The following NAV2 variants were observed in gnomAD, a reference collection of about 807,000 sequenced individuals.
NAV2 encodes neuron navigator 2.
Under a neutral mutation model 223.2 loss-of-function variants are expected in NAV2, and 54 were observed. The observed-to-expected ratio is 0.24, with a 90% CI of 0.19 to 0.30. The LOEUF (loss-of-function observed/expected upper bound fraction) is 0.30, where lower values mean the gene tolerates loss of function less well. Among genes scored for constraint, NAV2 ranks in the 10% least tolerant of loss-of-function variants. NAV2 has a pLI of 1.00. For missense variants in NAV2, 2,806 were observed against 3,147.5 expected (o/e 0.89, Z 2.60); for synonymous variants, 1,279 against 1,239.3 (o/e 1.03, Z -0.67).
chr11:19,468,334 C>G (rs1320428085), intron 1 of NAV2, among the ~76,000 whole-genome samples: 1 of 152,206 alleles, frequency 6.6e-6, no homozygotes, highest in Non-Finnish European at 1.5e-5. Flanking sequence ...TCTCACAGTT[C>G]TGGTGCTAGA....
intron 1 of NAV2, among the ~76,000 whole-genome samples, chr11:19,814,463 C>T (rs934723109): frequency 2.6e-5 from 4 of 152,090 alleles, no homozygotes; most frequent in African/African-American, 9.7e-5. Context: ...CACTTGCTGC[C>T]GAGAATCCAT....
intron 1 of NAV2, among the ~76,000 whole-genome samples, chr11:19,662,803 CT>C (rs1177312602): frequency 1.3e-5 from 2 of 152,242 alleles, no homozygotes; most frequent in Admixed American, 6.5e-5. Context: ...GCCAGGTAGC[CT>C]TTTGGCTACT....
intron 8 of NAV2, among the ~76,000 whole-genome samples, chr11:19,944,900 T>G (rs1307023478): frequency 6.6e-6 from 1 of 150,582 alleles, no homozygotes; most frequent in African/African-American, 2.4e-5. Context: ...CTTTCTTTCC[T>G]TTCCTTTCCT....
intron 1 of NAV2, among the ~76,000 whole-genome samples, chr11:19,405,324 G>T (rs1001426743): frequency 3.2e-4 from 48 of 152,254 alleles, no homozygotes; most frequent in African/African-American, 1.0e-3. Context: ...GATATTGATT[G>T]TTTTTCACCC....
intron 10 of NAV2, among the ~76,000 whole-genome samples, chr11:19,963,562 G>A (rs2153412780): frequency 6.6e-6 from 1 of 152,318 alleles, no homozygotes; most frequent in South Asian, 2.1e-4. Context: ...GAAGGGTAAG[G>A]TACAGAGGAG....
At chr11:19,390,768 A>C (rs553282605) in intron 1 of NAV2, among the ~76,000 whole-genome samples, 7 of 152,266 alleles carry the variant, frequency 4.6e-5, no homozygotes, top group Admixed American at 1.3e-4. Flanking sequence ...CTATATGCTG[A>C]GAAAGAGCTG....
At position 19,361,792 on chromosome 11, in the gene NAV2, G is replaced by GA. The variant is rs113496534; in HGVS notation, c.75+10773dup. The stretch of plus-strand genomic sequence containing the variant: ...ACGAAGCCCTTTGCCTACGGTAATT[G>GA]AAAAAAAATCTAATTTCTGCTTGTG... On this transcript the variant is annotated intron_variant, in intron 1 of 37. Transcript: ENST00000360655. Among the ~76,000 whole-genome samples the GA allele has an allele frequency of 3.4e-4, 52 of 152,012 alleles. No homozygotes were observed. The South Asian group carries it at 5.8e-3, about 17-fold the overall frequency.
At chr11:20,065,617 A>AG (rs1202028900) in intron 20 of NAV2, among the ~76,000 whole-genome samples, 6 of 152,278 alleles carry the variant, frequency 3.9e-5, no homozygotes, top group South Asian at 2.1e-4. Flanking sequence ...AACAGCGGCA[A>AG]GGGGGGCAAG....
chr11:19,744,937 T>C (rs992951263), intron 1 of NAV2, among the ~76,000 whole-genome samples: 1 of 152,224 alleles, frequency 6.6e-6, no homozygotes, highest in Non-Finnish European at 1.5e-5. Flanking sequence ...ATGTGCTGAT[T>C]ACACCTCTAT....
intron 10 of NAV2, among the ~76,000 whole-genome samples, chr11:19,975,170 A>G (rs1267847889): frequency 1.3e-5 from 2 of 152,246 alleles, no homozygotes; most frequent in Non-Finnish European, 2.9e-5. Context: ...GCAATTCCAC[A>G]CTGACAGTTG....
chr11:19,469,553 C>T (rs2041897297), intron 1 of NAV2, among the ~76,000 whole-genome samples: 1 of 152,200 alleles, frequency 6.6e-6, no homozygotes, highest in African/African-American at 2.4e-5. Flanking sequence ...CCTTCACCCT[C>T]CTGAATATTC....
At chr11:19,915,759 T>C (rs916361731) in intron 6 of NAV2, among the ~76,000 whole-genome samples, 5 of 152,212 alleles carry the variant, frequency 3.3e-5, no homozygotes, top group Non-Finnish European at 5.9e-5. Flanking sequence ...TTGTTGGTCC[T>C]TCATGAGCAG....
chr11:19,815,426 G>C (rs1343105981), intron 1 of NAV2, among the ~76,000 whole-genome samples: 1 of 152,204 alleles, frequency 6.6e-6, no homozygotes, highest in Non-Finnish European at 1.5e-5. Context: ...TTTTGAGATA[G>C]AATGTTAAAA....
chr11:19,862,771 CA>C, intron 3 of NAV2, among the ~76,000 whole-genome samples: 1 of 151,436 alleles, frequency 6.6e-6, no homozygotes, highest in South Asian at 2.1e-4. Context: ...TACAGGTGGA[CA>C]AAAAAAAGAA....
intron 1 of NAV2, among the ~76,000 whole-genome samples, chr11:19,641,359 C>A (rs1284006391): frequency 6.6e-6 from 1 of 152,126 alleles, no homozygotes; most frequent in Non-Finnish European, 1.5e-5. Context: ...TATCCCTCCC[C>A]CTCCACTGCT....
intron 23 of NAV2, 99 bp from the exon 24 acceptor site, chr11:20,077,894 C>T (rs184854514): frequency 1.9e-5 from 18 of 942,198 alleles, no homozygotes; most frequent in African/African-American, 6.6e-5. Context: ...TGTTGAGCTA[C>T]TTCATTCCCG....
rs1440944085 is a variant in NAV2 at position 20,105,601 on chromosome 11, A to G, written c.6715A>G (p.Met2239Val). The G allele has an allele frequency of 2.5e-6, 4 of 1,613,980 alleles. No homozygotes were observed. Among genetic ancestry groups the G allele is most frequent in the African/African-American group, 1.3e-5 (1 of 74,918 alleles). The part of the protein sequence containing the change: ...FLGRFLRRKL[M>V]ETEISGRVRN... ...TGGCCGATTCCTGAGGAGGAAGCTCATGGAAACAGAGATCAGTGGGCGGGT... is the reference window on the plus strand; with the variant it reads ...TGGCCGATTCCTGAGGAGGAAGCTCGTGGAAACAGAGATCAGTGGGCGGGT... Residue 2239 changes from methionine (M) to valine (V), a missense_variant, in exon 35 of 38, where the codon ATG becomes GTG. Around this residue, in one of 4 missense-constraint regions of NAV2, gnomAD observed 824 missense variants for 1,069.4 expected, o/e 0.77. Coordinates refer to ENST00000349880, the MANE Select transcript of NAV2 (RefSeq NM_145117.5).
intron 36 of NAV2, 114 bp downstream of exon 36, chr11:20,107,896 C>A: frequency 1.3e-6 from 1 of 750,462 alleles, no homozygotes. Flanking sequence ...GTGACAACCC[C>A]TCACCTGGGA....
chr11:19,907,955 C>T (rs1185575545), intron 6 of NAV2, among the ~76,000 whole-genome samples: 1 of 152,176 alleles, frequency 6.6e-6, no homozygotes, highest in African/African-American at 2.4e-5. Context: ...GCTGAACTCC[C>T]AGGCAGCCCC....
Sources: allele counts gnomAD v4.1 joint callset (sites outside exome capture counted in the v4.1 genomes callset), GRCh38; gene constraint gnomAD v4.1.1; regional missense constraint gnomAD v4.1.1; transcripts MANE v1.5; gene names NCBI Gene and HGNC (gene_info 2026-07-23, HGNC 2026-07-21).